NCMAP: variants seen among roughly 807,000 people sequenced by gnomAD.
The protein encoded by NCMAP is noncompact myelin-associated protein.
A neutral mutation model predicts 7.8 loss-of-function variants in NCMAP; 8 were observed. The observed-to-expected ratio is 1.02, with a 90% confidence interval of 0.60 to 1.84. The LOEUF (loss-of-function observed/expected upper bound fraction) is 1.84, where lower values mean the gene tolerates loss of function less well. Among genes scored for constraint, NCMAP ranks in the 40% most tolerant of loss-of-function variants. NCMAP has a pLI of 0.00. For synonymous variants in NCMAP, 41 were observed against 52.9 expected (o/e 0.78, Z 0.98); for missense variants, 112 against 131.4 (o/e 0.85, Z 0.72).
chr1:24,569,151 G>A (rs1651315229), intron 1 of NCMAP, among the ~76,000 whole-genome samples: 1 of 151,844 alleles, frequency 6.6e-6, no homozygotes, highest in South Asian at 2.1e-4. Flanking sequence ...CTGCCACCAT[G>A]CCCGACTGAT....
At chr1:24,598,599 G>GT (rs1652340428) in intron 2 of NCMAP, among the ~76,000 whole-genome samples, 1 of 151,712 alleles carries the variant, frequency 6.6e-6, no homozygotes, top group Admixed American at 6.6e-5. Context: ...GTGGATGTAT[G>GT]TAATCTCTTC....
chr1:24,565,162 T>C (rs1035289629), intron 1 of NCMAP, among the ~76,000 whole-genome samples: 1 of 147,616 alleles, frequency 6.8e-6, no homozygotes, highest in African/African-American at 2.5e-5. Flanking sequence ...TTTTTTTTAA[T>C]GTAGGAAAGG....
chr1:24,575,021 C>A (rs1267591509), intron 1 of NCMAP, among the ~76,000 whole-genome samples: 1 of 152,050 alleles, frequency 6.6e-6, no homozygotes, highest in Non-Finnish European at 1.5e-5. Flanking sequence ...AACTCCTGAC[C>A]TCAGGTGATC....
At chr1:24,598,004 C>T (rs1168623754) in intron 2 of NCMAP, among the ~76,000 whole-genome samples, 1 of 152,002 alleles carries the variant, frequency 6.6e-6, no homozygotes, top group African/African-American at 2.4e-5. Flanking sequence ...TTGCAACTGG[C>T]ATCTAGTAGA....
Position 24,595,485 on chromosome 1 carries a change from AC to A in NCMAP, c.57del (p.Arg20GlyfsTer29). On this transcript the variant is annotated frameshift_variant, in exon 2 of 4. Coordinates refer to ENST00000374392, the MANE Select transcript of NCMAP (RefSeq NM_001010980.5). LOFTEE classifies it high-confidence loss of function. ...CACCTTCTTCTCACTGAACATGACC[AC>A]CAGGGGAGAAGACTTCCTGTATAAG... ...DTTFFSLNMT[T>X]RGEDFLYKSS... 1 of 1,613,976 alleles carries A rather than the reference AC, an allele frequency of 6.2e-7. No homozygotes were observed. The highest frequency in any genetic ancestry group is 1.1e-5 in the South Asian group (1 of 91,072).
chr1:24,557,653 C>T (rs1200891165), intron 1 of NCMAP, among the ~76,000 whole-genome samples: 1 of 152,044 alleles, frequency 6.6e-6, no homozygotes, highest in Non-Finnish European at 1.5e-5. Context: ...AGAAGGGCAG[C>T]CAAGAGACAC....
chr1:24,558,592 T>C (rs1407172021), intron 1 of NCMAP, among the ~76,000 whole-genome samples: 1 of 152,116 alleles, frequency 6.6e-6, no homozygotes, highest in Non-Finnish European at 1.5e-5. Context: ...ATGTCACTGT[T>C]CCCTGGGCTC....
At chr1:24,562,569 G>A (rs574783461) in intron 1 of NCMAP, among the ~76,000 whole-genome samples, 5 of 152,278 alleles carry the variant, frequency 3.3e-5, no homozygotes, top group South Asian at 2.1e-4. Flanking sequence ...GACAGACCCC[G>A]GAGCCTGAAC....
intron 1 of NCMAP, among the ~76,000 whole-genome samples, chr1:24,556,609 C>T (rs920733475): frequency 1.3e-5 from 2 of 152,082 alleles, no homozygotes; most frequent in African/African-American, 4.8e-5. Context: ...GGAAGATCTG[C>T]GATTCAGCGA....
chr1:24,590,970 T>C (rs1216136041), intron 1 of NCMAP, among the ~76,000 whole-genome samples: 1 of 152,156 alleles, frequency 6.6e-6, no homozygotes, highest in East Asian at 1.9e-4. Context: ...AGGCAGTTCG[T>C]TTTACAGATG....
intron 1 of NCMAP, among the ~76,000 whole-genome samples, chr1:24,568,997 T>C (rs1246939576): frequency 2.0e-5 from 3 of 150,852 alleles, no homozygotes; most frequent in Non-Finnish European, 2.9e-5. Context: ...ACAGCTTTAA[T>C]TCCTAATATA....
intron 1 of NCMAP, among the ~76,000 whole-genome samples, chr1:24,591,574 G>A (rs967643170): frequency 1.3e-5 from 2 of 152,204 alleles, no homozygotes; most frequent in African/African-American, 2.4e-5. Context: ...GGCCTGGGCC[G>A]TGTCTTGAAG....
intron 1 of NCMAP, among the ~76,000 whole-genome samples, chr1:24,575,803 G>A (rs1389331214): frequency 6.6e-6 from 1 of 151,726 alleles, no homozygotes; most frequent in Non-Finnish European, 1.5e-5. Context: ...AAATTAGCCG[G>A]GCGTGGTGGC....
chr1:24,596,341 C>T (rs1275010693), intron 2 of NCMAP, among the ~76,000 whole-genome samples: 1 of 152,086 alleles, frequency 6.6e-6, no homozygotes, highest in Non-Finnish European at 1.5e-5. Flanking sequence ...ACCTAGAAAG[C>T]ACTGAAATTT....
At chr1:24,568,160 A>G (rs1389616289) in intron 1 of NCMAP, among the ~76,000 whole-genome samples, 2 of 151,982 alleles carry the variant, frequency 1.3e-5, no homozygotes, top group African/African-American at 4.8e-5. Context: ...AGGCTGTGGT[A>G]TTTGCTCAGA....
chr1:24,601,934 G>A (rs1160949597), intron 3 of NCMAP, among the ~76,000 whole-genome samples: 1 of 151,938 alleles, frequency 6.6e-6, no homozygotes, highest in Non-Finnish European at 1.5e-5. Flanking sequence ...CCAGCTACTC[G>A]GGAGGCTGAG....
At chr1:24,567,821 C>G (rs966362748) in intron 1 of NCMAP, among the ~76,000 whole-genome samples, 2 of 152,104 alleles carry the variant, frequency 1.3e-5, no homozygotes, top group Non-Finnish European at 2.9e-5. Context: ...TCAATAGTCT[C>G]AAGGAGCCAG....
chr1:24,601,126 T>A (rs1652474435), intron 3 of NCMAP, 102 bp downstream of exon 3: 1 of 914,242 alleles, frequency 1.1e-6, no homozygotes, highest in Non-Finnish European at 1.8e-6. Flanking sequence ...CCTGGCAGTA[T>A]CCCTCAGCCT....
chr1:24,581,606 G>C (rs1651747789), intron 1 of NCMAP, among the ~76,000 whole-genome samples: 1 of 152,216 alleles, frequency 6.6e-6, no homozygotes, highest in African/African-American at 2.4e-5. Context: ...GGCTCTGCCT[G>C]TCTGGGAAAG....
Sources: gnomAD v4.1 joint callset for allele counts (sites outside exome capture counted in the v4.1 genomes callset) on GRCh38, gnomAD v4.1.1 for gene constraint, MANE v1.5 for transcripts, NCBI Gene and HGNC (gene_info 2026-07-23, HGNC 2026-07-21) for gene names.